The following ETV6 variants were observed in gnomAD, a reference collection of about 807,000 sequenced individuals.
The protein encoded by ETV6 is ETS variant transcription factor 6.
A neutral mutation model predicts 51.1 loss-of-function variants in ETV6; 16 were observed. That is an observed-to-expected ratio of 0.31 (90% CI 0.21 to 0.48). The LOEUF is 0.48. ETV6 is among the 20% of genes least tolerant of loss of function. The pLI is 0.99. For synonymous variants in ETV6, 240 were observed against 224.1 expected (o/e 1.07, Z -0.64); for missense variants, 458 against 594.8 (o/e 0.77, Z 2.39).
rs1403805573 is a variant in ETV6, at chr12:11,705,962, T to C, written c.34-46488T>C. On this transcript the variant is annotated intron_variant, in intron 1 of 7. Coordinates refer to ENST00000396373, the MANE Select transcript of ETV6 (RefSeq NM_001987.5). ...TTCCAGAATCCTTTTGAGAGACTTA[T>C]TGTAGCGGCAGGAGCTCCATTTTGG... 3.9e-5 allele frequency among the ~76,000 whole-genome samples: 6 copies of C among 152,232 alleles called. No individual in the cohort carries two copies. In the South Asian group the frequency reaches 8.3e-4, roughly 21 times the overall value.
Position 11,768,055 on chromosome 12 carries a change from G to A in ETV6, c.163+15476G>A, listed in dbSNP as rs184026091. ...ATGGCTGCTCATTTAAGCCATTCCC[G>A]TTATGGTTCTCCTTGTCCAAATTGG... On this transcript the variant is annotated intron_variant, in intron 2 of 7. Coordinates refer to ENST00000396373, the MANE Select transcript of ETV6 (RefSeq NM_001987.5). Among the ~76,000 whole-genome samples, 21 of 152,058 alleles carry A rather than the reference G, an allele frequency of 1.4e-4. No individual in the cohort carries two copies. The East Asian group carries it at 3.5e-3, about 25-fold the overall frequency.
At position 11,724,864 on chromosome 12, in the gene ETV6, A is replaced by G. The variant is rs1019780813; in HGVS notation, c.34-27586A>G. Among the ~76,000 whole-genome samples, 3 of 152,202 alleles carry G rather than the reference A, an allele frequency of 2.0e-5. No homozygotes were observed. In the East Asian group the frequency reaches 5.8e-4, roughly 29 times the overall value. ...ACTGGGTGTCCTGTATTAACATGAA[A>G]TCGTAGGCAGACACTGAATAAATCG... On this transcript the variant is annotated intron_variant, in intron 1 of 7. Coordinates refer to ENST00000396373, the MANE Select transcript of ETV6 (RefSeq NM_001987.5).
chr12:11,813,642 C>T (rs1248003821), intron 2 of ETV6, among the ~76,000 whole-genome samples: 1 of 151,934 alleles, frequency 6.6e-6, no homozygotes, highest in African/African-American at 2.4e-5. Context: ...ACGGCCTGCC[C>T]TTTCCTGATT....
intron 7 of ETV6, among the ~76,000 whole-genome samples, chr12:11,886,463 A>C (rs1947186244): frequency 2.1e-5 from 1 of 47,934 alleles, no homozygotes; most frequent in Non-Finnish European, 6.2e-5. Flanking sequence ...GGTCCATCAG[A>C]GCTTTTTTTT....
chr12:11,732,391 G>A (rs1231043770), intron 1 of ETV6, among the ~76,000 whole-genome samples: 2 of 152,096 alleles, frequency 1.3e-5, no homozygotes, highest in Non-Finnish European at 2.9e-5. Context: ...GAGGATGCTG[G>A]TCTCAATTTC....
At chr12:11,664,447 G>A (rs571092463) in intron 1 of ETV6, among the ~76,000 whole-genome samples, 43 of 152,222 alleles carry the variant, frequency 2.8e-4, no homozygotes, top group Non-Finnish European at 5.4e-4. Context: ...AAGAATCTAA[G>A]AGTCTTATGA....
intron 1 of ETV6, among the ~76,000 whole-genome samples, chr12:11,751,180 C>T (rs138449124): frequency 6.6e-6 from 1 of 152,296 alleles, no homozygotes; most frequent in Non-Finnish European, 1.5e-5. Context: ...GCCAGACTTT[C>T]TAGGCTATGA....
intron 2 of ETV6, among the ~76,000 whole-genome samples, chr12:11,792,721 G>A (rs573860181): frequency 1.3e-5 from 2 of 151,990 alleles, no homozygotes; most frequent in South Asian, 2.1e-4. Flanking sequence ...TTCAGTGTCA[G>A]GTCCCATTTG....
chr12:11,818,093 T>C (rs1461455986), intron 2 of ETV6, among the ~76,000 whole-genome samples: 3 of 152,066 alleles, frequency 2.0e-5, no homozygotes, highest in African/African-American at 7.2e-5. Flanking sequence ...AAGGCAGGTA[T>C]GGAAAGTGCT....
intron 1 of ETV6, among the ~76,000 whole-genome samples, chr12:11,663,696 G>A (rs1864142504): frequency 6.6e-6 from 1 of 152,124 alleles, no homozygotes; most frequent in South Asian, 2.1e-4. Flanking sequence ...GGTCTGAAAA[G>A]GTGATGTGTA....
chr12:11,663,567 A>G (rs529368278), intron 1 of ETV6, among the ~76,000 whole-genome samples: 1 of 152,254 alleles, frequency 6.6e-6, no homozygotes. Context: ...GAAACCTAAC[A>G]TATAGATGTA....
At chr12:11,730,320 AGGTGTCTGGAAAG>A (rs1420855061) in intron 1 of ETV6, among the ~76,000 whole-genome samples, 1 of 152,148 alleles carries the variant, frequency 6.6e-6, no homozygotes, top group Non-Finnish European at 1.5e-5. Flanking sequence ...TACATTTTAG[AGGTGTCTGGAAAG>A]AAAGGTGGCA....
chr12:11,769,560 G>A (rs1419622693), intron 2 of ETV6, among the ~76,000 whole-genome samples: 2 of 152,206 alleles, frequency 1.3e-5, no homozygotes, highest in Non-Finnish European at 2.9e-5. Flanking sequence ...AGTAAGGGGA[G>A]AAATGGTGTC....
chr12:11,705,568 C>T (rs1865059184), intron 1 of ETV6, among the ~76,000 whole-genome samples: 2 of 152,196 alleles, frequency 1.3e-5, no homozygotes, highest in Non-Finnish European at 2.9e-5. Context: ...CTGGTCTAGC[C>T]TGCTGTAGTC....
intron 6 of ETV6, 96 bp downstream of exon 6, chr12:11,884,683 G>A (rs897917613): frequency 1.3e-5 from 19 of 1,464,282 alleles, no homozygotes; most frequent in African/African-American, 9.7e-5. Flanking sequence ...TGCTTTTTAC[G>A]TCTGCCCATA....
intron 3 of ETV6, among the ~76,000 whole-genome samples, chr12:11,848,962 G>A (rs548332798): frequency 1.3e-5 from 2 of 152,166 alleles, no homozygotes; most frequent in African/African-American, 4.8e-5. Context: ...AATCAAATGG[G>A]TTAAGAATTT....
Position 11,891,361 on chromosome 12 carries a change from T to C in ETV6, c.*315T>C, listed in dbSNP as rs572117879. Reference sequence around the variant, plus strand: ...CACCGTTGTTAGTATCATGGTGTTTTTGTTTTTGTTTTTGTTTTAAGAACC... The same window carrying C: ...CACCGTTGTTAGTATCATGGTGTTTCTGTTTTTGTTTTTGTTTTAAGAACC... On this transcript the variant is annotated 3_prime_UTR_variant, in exon 8 of 8. Transcript: ENST00000396373. 1 of 345,040 alleles carries C rather than the reference T, an allele frequency of 2.9e-6. No individual in the cohort carries two copies. Among genetic ancestry groups the C allele is most frequent in the South Asian group, 4.2e-5 (1 of 23,642 alleles). 21.4% of individuals were successfully genotyped at this position (345,040 alleles called of 1,614,324 possible).
Position 11,821,271 on chromosome 12 carries a change from T to C in ETV6, c.164-17869T>C, listed in dbSNP as rs144683507. Reference sequence around the variant, plus strand: ...GTCCCAGCTTCTCGGGAGGCTGAGGTGGGAAAATGGTGTGAACCCGGGAGG... The same window carrying C: ...GTCCCAGCTTCTCGGGAGGCTGAGGCGGGAAAATGGTGTGAACCCGGGAGG... On this transcript the variant is annotated intron_variant, in intron 2 of 7. Coordinates refer to ENST00000396373, the MANE Select transcript of ETV6 (RefSeq NM_001987.5). Among the ~76,000 whole-genome samples, 177 of 150,512 alleles carry C rather than the reference T, an allele frequency of 1.2e-3. 2 individuals carry two copies. Among genetic ancestry groups the C allele is most frequent in the African/African-American group, 4.2e-3 (172 of 40,948 alleles).
chr12:11,871,758 C>T (rs1946884435), intron 5 of ETV6, among the ~76,000 whole-genome samples: 1 of 152,140 alleles, frequency 6.6e-6, no homozygotes, highest in South Asian at 2.1e-4. Context: ...GGCTAGCCAT[C>T]ACCAGCTAGT....
Sources: allele counts gnomAD v4.1 joint callset (sites outside exome capture counted in the v4.1 genomes callset), GRCh38; gene constraint gnomAD v4.1.1; transcripts MANE v1.5; gene names NCBI Gene and HGNC (gene_info 2026-07-23, HGNC 2026-07-21).